Variants in CTNNA2 observed in about 807,000 individuals in gnomAD.
CTNNA2 encodes catenin alpha-2.
A neutral mutation model predicts 101.0 loss-of-function variants in CTNNA2; 42 were observed. The ratio of observed to expected loss-of-function variants is 0.42; its 90% CI spans 0.32 to 0.54. The LOEUF is 0.54. Among genes scored for constraint, CTNNA2 ranks in the 20% least tolerant of loss-of-function variants. CTNNA2 has a pLI of 0.14. For missense variants in CTNNA2, 871 were observed against 1,223.1 expected, an observed-to-expected ratio of 0.71 and a Z score of 4.29; for synonymous variants, 450 against 456.4, an observed-to-expected ratio of 0.99 and a Z score of 0.18.
intron 7 of CTNNA2, among the ~76,000 whole-genome samples, chr2:80,010,168 C>G (rs1043734950): frequency 3.9e-5 from 6 of 152,198 alleles, no homozygotes; most frequent in Admixed American, 6.5e-5. Flanking sequence ...TCTCACCCTT[C>G]TCACATATTC....
At chr2:79,886,297 T>TGGTGGGTA (rs1210631717) in intron 6 of CTNNA2, among the ~76,000 whole-genome samples, 1 of 152,094 alleles carries the variant, frequency 6.6e-6, no homozygotes, top group Non-Finnish European at 1.5e-5. Context: ...TGCAGTTGTA[T>TGGTGGGTA]GGTGGGTAAA....
At chr2:80,460,528 G>A (rs1684337935) in intron 9 of CTNNA2, among the ~76,000 whole-genome samples, 1 of 151,928 alleles carries the variant, frequency 6.6e-6, no homozygotes, top group Non-Finnish European at 1.5e-5. Flanking sequence ...TATATGCAAG[G>A]TATATTTCCC....
chr2:80,591,535 A>G (rs1005180232), intron 15 of CTNNA2, among the ~76,000 whole-genome samples: 1 of 138,900 alleles, frequency 7.2e-6, no homozygotes, highest in Non-Finnish European at 1.5e-5. Flanking sequence ...AGTTCACTAT[A>G]TTTGACCTTA....
chr2:79,802,092 C>T (rs1676213370), intron 3 of CTNNA2, among the ~76,000 whole-genome samples: 1 of 151,888 alleles, frequency 6.6e-6, no homozygotes, highest in African/African-American at 2.4e-5. Flanking sequence ...ACTCCTCTTC[C>T]CAGGATAAGA....
chr2:79,634,653 A>G (rs541866071), intron 1 of CTNNA2: 2 of 152,380 alleles, frequency 1.3e-5, no homozygotes, highest in East Asian at 1.9e-4. Context: ...GTGACACTGA[A>G]CAGGTCAAGA....
intron 1 of CTNNA2, among the ~76,000 whole-genome samples, chr2:79,642,878 A>G (rs780072234): frequency 5.9e-5 from 9 of 151,358 alleles, no homozygotes; most frequent in Non-Finnish European, 1.2e-4. Context: ...TAGGGTATCC[A>G]CATCCTAGAG....
chr2:80,639,619 G>A (rs932025289), intron 18 of CTNNA2, among the ~76,000 whole-genome samples: 2 of 151,822 alleles, frequency 1.3e-5, no homozygotes, highest in African/African-American at 4.8e-5. Flanking sequence ...GTTAAAATAT[G>A]CAACCAATTT....
At chr2:79,491,353 G>C (rs1671205959) in intron 4 of CTNNA2, among the ~76,000 whole-genome samples, 1 of 152,136 alleles carries the variant, frequency 6.6e-6, no homozygotes, top group Admixed American at 6.5e-5. Flanking sequence ...ATCTTTAGTT[G>C]TTAGAAATCT....
chr2:80,555,630 T>C, intron 11 of CTNNA2, 63 bp from the exon 12 acceptor site: 1 of 1,008,606 alleles, frequency 9.9e-7, no homozygotes, highest in Non-Finnish European at 1.4e-6. Flanking sequence ...GTTGAATCAA[T>C]TTTAATTGGT....
At chr2:80,239,187 G>A (rs568062333) in intron 7 of CTNNA2, among the ~76,000 whole-genome samples, 2 of 152,118 alleles carry the variant, frequency 1.3e-5, no homozygotes, top group Non-Finnish European at 2.9e-5. Context: ...TCTAGATAAA[G>A]TTCTTCCATG....
chr2:80,108,269 G>A (rs1701010652), intron 7 of CTNNA2, among the ~76,000 whole-genome samples: 1 of 152,162 alleles, frequency 6.6e-6, no homozygotes, highest in Non-Finnish European at 1.5e-5. Context: ...ACCTAAGAAG[G>A]CTGTCACATT....
intron 7 of CTNNA2, among the ~76,000 whole-genome samples, chr2:80,028,895 A>C (rs1282282814): frequency 6.6e-6 from 1 of 152,204 alleles, no homozygotes. Context: ...CAACACCTGG[A>C]TTTTAGCTTA....
At chr2:80,105,325 C>T (rs913521526) in intron 7 of CTNNA2, among the ~76,000 whole-genome samples, 1 of 152,300 alleles carries the variant, frequency 6.6e-6, no homozygotes, top group South Asian at 2.1e-4. Flanking sequence ...AAGAAATGCT[C>T]TAGTGAATTA....
chr2:79,860,484 C>T (rs535774145), intron 4 of CTNNA2, among the ~76,000 whole-genome samples: 2 of 149,668 alleles, frequency 1.3e-5, no homozygotes, highest in South Asian at 4.2e-4. Context: ...CATCAGATCA[C>T]AGAAGCCTGC....
chr2:79,550,203 A>G (rs1055298874), intron 1 of CTNNA2, among the ~76,000 whole-genome samples: 14 of 152,192 alleles, frequency 9.2e-5, no homozygotes, highest in African/African-American at 3.1e-4. Context: ...GGTTACCTTT[A>G]TGATCTTCAG....
chr2:79,572,224 G>A (rs949726442), intron 1 of CTNNA2, among the ~76,000 whole-genome samples: 3 of 152,176 alleles, frequency 2.0e-5, no homozygotes, highest in Non-Finnish European at 4.4e-5. Context: ...GGAAGGGAAA[G>A]GGAGTGGACT....
intron 2 of CTNNA2, among the ~76,000 whole-genome samples, chr2:79,230,296 C>T (rs1015169496): frequency 2.6e-5 from 4 of 152,144 alleles, no homozygotes; most frequent in African/African-American, 9.7e-5. Context: ...GTGTTGTGTG[C>T]AGCCTAGGGA....
intron 7 of CTNNA2, among the ~76,000 whole-genome samples, chr2:80,017,621 G>A (rs1012656275): frequency 5.3e-5 from 8 of 151,942 alleles, no homozygotes; most frequent in African/African-American, 1.9e-4. Flanking sequence ...TTTGGCCCAA[G>A]GGTTGGGATT....
intron 4 of CTNNA2, among the ~76,000 whole-genome samples, chr2:79,415,925 ACTTG>A (rs972526518): frequency 6.6e-6 from 1 of 152,130 alleles, no homozygotes; most frequent in Non-Finnish European, 1.5e-5. Context: ...TTGAGATATG[ACTTG>A]CTTGCTTGTC....
Sources: allele counts gnomAD v4.1 joint callset (sites outside exome capture counted in the v4.1 genomes callset), GRCh38; gene constraint gnomAD v4.1.1; transcripts MANE v1.5; gene names NCBI Gene and HGNC (gene_info 2026-07-23, HGNC 2026-07-21).